The following MYRIP variants were observed in gnomAD, a reference collection of about 807,000 sequenced individuals.
The protein encoded by MYRIP is rab effector MyRIP.
MYRIP carries 49 observed loss-of-function variants against 98.0 expected under a neutral mutation model. That is an observed-to-expected ratio of 0.50 (90% confidence interval 0.40 to 0.63). MYRIP has a LOEUF of 0.63. Ranked by LOEUF, MYRIP falls within the 30% of genes least tolerant of loss-of-function variation. The pLI, the probability that MYRIP is intolerant of heterozygous loss-of-function variation, is 0.00. For synonymous variants in MYRIP, 404 were observed against 409.5 expected, an observed-to-expected ratio of 0.99 and a Z score of 0.16; for missense variants, 1,004 against 1,058.2, an observed-to-expected ratio of 0.95 and a Z score of 0.71.
At chr3:39,863,835 CACAACAACA>C (rs112996698) in intron 1 of MYRIP, among the ~76,000 whole-genome samples, 1 of 151,714 alleles carries the variant, frequency 6.6e-6, no homozygotes, top group Non-Finnish European at 1.5e-5. Context: ...CCAGCAGGGA[CACAACAACA>C]ACAACAACAA....
chr3:39,867,711 G>T (rs555443243), intron 1 of MYRIP, among the ~76,000 whole-genome samples: 1 of 152,296 alleles, frequency 6.6e-6, no homozygotes, highest in East Asian at 1.9e-4. Flanking sequence ...AATGTAAATT[G>T]GTACGGCCAT....
intron 1 of MYRIP, among the ~76,000 whole-genome samples, chr3:39,883,049 G>A (rs1943194304): frequency 6.6e-6 from 1 of 152,146 alleles, no homozygotes; most frequent in African/African-American, 2.4e-5. Flanking sequence ...GCCCATTATG[G>A]GGCACAATGA....
intron 2 of MYRIP, among the ~76,000 whole-genome samples, chr3:39,993,166 G>T (rs781507699): frequency 6.6e-6 from 1 of 152,134 alleles, no homozygotes. Context: ...CAAAAGAAAG[G>T]CAAGAAAGAG....
chr3:40,161,534 C>A (rs1950395502), intron 4 of MYRIP, among the ~76,000 whole-genome samples: 2 of 152,192 alleles, frequency 1.3e-5, no homozygotes, highest in Admixed American at 1.3e-4. Context: ...GTTGCCTCCC[C>A]CTCCCCTTGG....
chr3:39,809,203 G>A (rs1940571118), upstream of MYRIP, among the ~76,000 whole-genome samples: 1 of 152,028 alleles, frequency 6.6e-6, no homozygotes, highest in African/African-American at 2.4e-5. Flanking sequence ...CTGAGGGTCC[G>A]GGCCCCCAGG....
chr3:40,079,804 G>C (rs1453747655), intron 3 of MYRIP, among the ~76,000 whole-genome samples: 1 of 152,212 alleles, frequency 6.6e-6, no homozygotes, highest in African/African-American at 2.4e-5. Flanking sequence ...CATTGCATGA[G>C]AGAAGATATT....
At chr3:39,942,201 G>C (rs1200684572) in intron 2 of MYRIP, among the ~76,000 whole-genome samples, 1 of 152,132 alleles carries the variant, frequency 6.6e-6, no homozygotes, top group African/African-American at 2.4e-5. Flanking sequence ...TGTGTGTTCA[G>C]TGCAGGTCAG....
intron 9 of MYRIP, among the ~76,000 whole-genome samples, chr3:40,186,367 G>A (rs1462945028): frequency 1.3e-5 from 2 of 152,130 alleles, no homozygotes; most frequent in African/African-American, 4.8e-5. Context: ...TTATTTGGGA[G>A]GTGAGCCCAG....
At chr3:39,914,437 T>C (rs1033909370) in intron 2 of MYRIP, among the ~76,000 whole-genome samples, 1 of 152,128 alleles carries the variant, frequency 6.6e-6, no homozygotes, top group African/African-American at 2.4e-5. Flanking sequence ...CTGGTCATTA[T>C]TAAAATCCCA....
chr3:39,886,671 G>T (rs1359531825), intron 1 of MYRIP, among the ~76,000 whole-genome samples: 4 of 151,874 alleles, frequency 2.6e-5, no homozygotes, highest in Non-Finnish European at 5.9e-5. Context: ...CAATACAGGA[G>T]CATCCAGATT....
chr3:40,078,306 C>T (rs556464250), intron 3 of MYRIP, among the ~76,000 whole-genome samples: 27 of 152,332 alleles, frequency 1.8e-4, no homozygotes, highest in African/African-American at 6.3e-4. Flanking sequence ...TCGCACCTCT[C>T]TCCCTCCACA....
chr3:39,916,956 C>G (rs570172314), intron 2 of MYRIP, among the ~76,000 whole-genome samples: 1 of 152,080 alleles, frequency 6.6e-6, no homozygotes, highest in Admixed American at 6.5e-5. Context: ...TACCCCAAAT[C>G]AAATAACATC....
At chr3:40,139,882 C>A (rs1178711416) in intron 3 of MYRIP, among the ~76,000 whole-genome samples, 1 of 152,170 alleles carries the variant, frequency 6.6e-6, no homozygotes, top group Admixed American at 6.5e-5. Context: ...ACCCTGCCAG[C>A]AGTTCCTTTT....
chr3:39,984,776 G>C (rs946565008), intron 2 of MYRIP, among the ~76,000 whole-genome samples: 3 of 151,918 alleles, frequency 2.0e-5, no homozygotes, highest in African/African-American at 7.3e-5. Flanking sequence ...GGTATTTCCA[G>C]TTCTAGATCC....
chr3:39,825,908 G>T (rs1260181354), intron 1 of MYRIP, among the ~76,000 whole-genome samples: 3 of 151,922 alleles, frequency 2.0e-5, no homozygotes, highest in Non-Finnish European at 4.4e-5. Context: ...ATGCAATCTT[G>T]GTAGGTTATA....
At chr3:39,962,453 G>C (rs1945345441) in intron 2 of MYRIP, among the ~76,000 whole-genome samples, 1 of 107,664 alleles carries the variant, frequency 9.3e-6, no homozygotes, top group East Asian at 2.7e-4. Context: ...CTCTGGGCTA[G>C]TTTTTTTTTT....
At chr3:40,216,878 G>T (rs1165539419) in intron 11 of MYRIP, among the ~76,000 whole-genome samples, 1 of 152,066 alleles carries the variant, frequency 6.6e-6, no homozygotes, top group Non-Finnish European at 1.5e-5. Context: ...AGAAACACAT[G>T]ACAAAGAGAT....
chr3:40,145,488 C>T (rs985601839), intron 3 of MYRIP, among the ~76,000 whole-genome samples: 5 of 152,202 alleles, frequency 3.3e-5, no homozygotes, highest in Non-Finnish European at 5.9e-5. Flanking sequence ...TCTGCCCTTT[C>T]ATTCTCCTTC....
intron 1 of MYRIP, among the ~76,000 whole-genome samples, chr3:39,824,021 T>G (rs147263965): frequency 8.3e-4 from 127 of 152,338 alleles, no homozygotes; most frequent in African/African-American, 2.7e-3. Context: ...CATTTTGAAT[T>G]GATTTTTGTT....
Sources: gnomAD v4.1 joint callset for allele counts (sites outside exome capture counted in the v4.1 genomes callset) on GRCh38, gnomAD v4.1.1 for gene constraint, MANE v1.5 for transcripts, NCBI Gene and HGNC (gene_info 2026-07-23, HGNC 2026-07-21) for gene names.